Variants in EXOC3 observed in about 807,000 individuals in gnomAD.
EXOC3 encodes the protein SEC6-like 1.
EXOC3 carries 21 observed loss-of-function variants against 73.7 expected under a neutral mutation model. That is an observed-to-expected ratio of 0.29 (90% confidence interval 0.20 to 0.41). The LOEUF is 0.41. Among genes scored for constraint, EXOC3 ranks in the 10% least tolerant of loss-of-function variants. The pLI, the probability that EXOC3 is intolerant of heterozygous loss-of-function variation, is 1.00. For missense variants in EXOC3, 842 were observed against 985.1 expected, an observed-to-expected ratio of 0.85 and a Z score of 1.95; for synonymous variants, 410 against 389.1, an observed-to-expected ratio of 1.05 and a Z score of -0.63.
chr5:460,599 C>T (rs1229834870), intron 7 of EXOC3, among the ~76,000 whole-genome samples: 2 of 151,934 alleles, frequency 1.3e-5, no homozygotes, highest in African/African-American at 2.4e-5. Context: ...TTAGCCGAGT[C>T]CCCACTGGCC....
chr5:464,796 G>A (rs1056765334), intron 10 of EXOC3: 3 of 464,944 alleles, frequency 6.5e-6, no homozygotes, highest in Middle Eastern at 6.0e-4. Context: ...TGCTGCGGTC[G>A]TTATCAAAGG....
intron 3 of EXOC3, among the ~76,000 whole-genome samples, chr5:452,741 G>A (rs1365490886): frequency 6.6e-6 from 1 of 152,254 alleles, no homozygotes; most frequent in Non-Finnish European, 1.5e-5. Flanking sequence ...GTCGTGTCAA[G>A]TCTTTTCTGA....
At chr5:457,160 C>G in intron 5 of EXOC3, 154 bp downstream of exon 5, 1 of 626,466 alleles carries the variant, frequency 1.6e-6, no homozygotes, top group Non-Finnish European at 2.9e-6. Context: ...CAGGCCTTGA[C>G]AGGTCAGTTT....
At chr5:465,391 A>T in intron 11 of EXOC3, 119 bp downstream of exon 11, 1 of 1,208,010 alleles carries the variant, frequency 8.3e-7, no homozygotes. Flanking sequence ...AGGCGGGGGG[A>T]GCCTGGGTCC....
chr5:466,622 C>A, intron 12 of EXOC3, 105 bp from the exon 13 acceptor site: 5 of 1,151,652 alleles, frequency 4.3e-6, no homozygotes, highest in Non-Finnish European at 4.9e-6. Flanking sequence ...GCGGTCCTCA[C>A]CCCCTGTGTT....
intron 4 of EXOC3, among the ~76,000 whole-genome samples, chr5:455,405 T>G (rs75544032): frequency 0.019 from 2,936 of 152,342 alleles, 98 homozygotes; most frequent in African/African-American, 0.064. Flanking sequence ...GTTGAAGTGC[T>G]CCACTAGAAA....
intron 6 of EXOC3, among the ~76,000 whole-genome samples, chr5:458,228 C>G (rs1579741067): frequency 6.6e-6 from 1 of 152,234 alleles, no homozygotes; most frequent in East Asian, 1.9e-4. Flanking sequence ...TGATACTTAC[C>G]AAATAGTTTT....
In EXOC3 at chr5:462,187, T is replaced by C. The variant is rs764619730; in HGVS notation, c.1533T>C (p.Tyr511=). The change falls in exon 9 of 13, where the codon TAT becomes TAC. Residue 511 remains tyrosine, a synonymous_variant. Coordinates refer to ENST00000512944, the MANE Select transcript of EXOC3 (RefSeq NM_007277.5). The stretch of plus-strand genomic sequence containing the variant: ...CCATAGTCAGTTTAAAAAGAAAGTA[T>C]TTAAAGAATGAAGTGGAAGAGGGTG... The part of the protein sequence containing the change: ...KESIVSLKRK[Y]LKNEVEEGVS... 5.6e-6 allele frequency: 9 copies of C among 1,613,812 alleles called. No individual in the cohort carries two copies. The highest frequency in any genetic ancestry group is 1.1e-5 in the South Asian group (1 of 91,088).
At chr5:460,454 TA>T (rs1737950652) in intron 7 of EXOC3, among the ~76,000 whole-genome samples, 1 of 152,138 alleles carries the variant, frequency 6.6e-6, no homozygotes. Context: ...CCTGGTGGCT[TA>T]GGTACTACAG....
intron 4 of EXOC3, among the ~76,000 whole-genome samples, chr5:455,348 C>T (rs1183103294): frequency 1.3e-5 from 2 of 152,188 alleles, no homozygotes; most frequent in Admixed American, 6.5e-5. Context: ...TTTTTCTGTC[C>T]TTGGGGAGTC....
At position 447,718 on chromosome 5, in the gene EXOC3, C is replaced by T. The variant is rs374300299; in HGVS notation, c.330C>T (p.Ala110=). Residue 110 remains alanine, a synonymous_variant, in exon 3 of 13, where the codon GCC becomes GCT. Coordinates refer to ENST00000512944, the MANE Select transcript of EXOC3 (RefSeq NM_007277.5). ...CCGTGGTGCAGCACAGCCAGCTCGC[C>T]GCAGCCGTGGAGAACCTCAAGAACA... ...KDAVVQHSQL[A]AAVENLKNIF... The T allele has an allele frequency of 4.7e-5, 74 of 1,581,604 alleles. No homozygotes were observed. The highest frequency in any genetic ancestry group is 3.1e-4 in the African/African-American group (23 of 74,354).
At chr5:457,047 G>A in intron 5 of EXOC3, 41 bp downstream of exon 5, 1 of 1,400,852 alleles carries the variant, frequency 7.1e-7, no homozygotes, top group Non-Finnish European at 1.0e-6. Flanking sequence ...CACCGTGCTG[G>A]TTATATGAGT....
chr5:465,273 G>A lies in EXOC3; in HGVS notation c.1938+1G>A, dbSNP rs1180848872. The stretch of plus-strand genomic sequence containing the variant: ...CTTCCTGTTCCGGAAGCTGGCGTCC[G>A]TGAGTGTCGCGCAGGTCCGGGCTGG... On this transcript the variant is annotated splice_donor_variant, in intron 11 of 12. Transcript: ENST00000512944. LOFTEE classifies it high-confidence loss of function. 5.1e-6 allele frequency: 8 copies of A among 1,577,824 alleles called. No homozygotes were observed. Among genetic ancestry groups the A allele is most frequent in the Admixed American group, 3.7e-5 (2 of 54,472 alleles).
intron 10 of EXOC3, chr5:464,821 T>C (rs1235143062): frequency 4.0e-6 from 2 of 499,530 alleles, no homozygotes; most frequent in African/African-American, 1.9e-5. Flanking sequence ...CAGCAGCCAC[T>C]GACACGGGCC....
At chr5:466,306 C>A (rs1738149325) in intron 12 of EXOC3, 1 of 246,622 alleles carries the variant, frequency 4.1e-6, no homozygotes, top group Non-Finnish European at 7.8e-6. Context: ...GCACGTCCCC[C>A]CTCCACCATG....
chr5:463,948 TCTC>T lies in EXOC3; in HGVS notation c.1654-339_1654-337del, dbSNP rs1222088171. On this transcript the variant is annotated intron_variant, in intron 9 of 12. Coordinates refer to ENST00000512944, the MANE Select transcript of EXOC3 (RefSeq NM_007277.5). ...CTCATCACAGAAATTGTAGTATAAA[TCTC>T]CTATACTTAAAGTACACATTTGCAG... Among the ~76,000 whole-genome samples the T allele has an allele frequency of 2.0e-5, 3 of 152,252 alleles. No individual in the cohort carries two copies. The East Asian group carries it at 5.8e-4, about 29-fold the overall frequency.
intron 12 of EXOC3, chr5:466,455 T>A (rs1256635688): frequency 4.5e-6 from 2 of 448,252 alleles, no homozygotes; most frequent in Non-Finnish European, 8.0e-6. Flanking sequence ...AAACGGGGTC[T>A]TGAGCTCTCC....
rs369179580 is a variant in EXOC3 at position 446,235 on chromosome 5, G to A, written c.30G>A (p.Ala10=). The change falls in exon 2 of 13, where the codon GCG becomes GCA. Residue 10 remains alanine (A), a synonymous_variant. Coordinates refer to ENST00000512944, the MANE Select transcript of EXOC3 (RefSeq NM_007277.5). MKETDREAV[A]TAVQRVAGML... ...AGGAGACAGACCGGGAGGCCGTTGC[G>A]ACAGCAGTGCAAAGGGTTGCTGGGA... 56 of 1,613,970 alleles carry A rather than the reference G, an allele frequency of 3.5e-5. No individual in the cohort carries two copies. The highest frequency in any genetic ancestry group is 6.7e-5 in the Admixed American group (4 of 60,032).
At chr5:445,741 G>C (rs926545691) in intron 1 of EXOC3, among the ~76,000 whole-genome samples, 1 of 152,174 alleles carries the variant, frequency 6.6e-6, no homozygotes, top group Non-Finnish European at 1.5e-5. Flanking sequence ...TGTCCACGCT[G>C]TATTTGTCTT....
Sources: allele counts gnomAD v4.1 joint callset (sites outside exome capture counted in the v4.1 genomes callset), GRCh38; gene constraint gnomAD v4.1.1; transcripts MANE v1.5; gene names NCBI Gene and HGNC (gene_info 2026-07-23, HGNC 2026-07-21).